KIAA1217: variants seen among roughly 807,000 people sequenced by gnomAD.
KIAA1217 encodes sickle tail protein homolog.
In KIAA1217, 88 loss-of-function variants were observed where a neutral mutation model predicts 163.9. The ratio of observed to expected loss-of-function variants is 0.54; its 90% confidence interval spans 0.45 to 0.64. The LOEUF (loss-of-function observed/expected upper bound fraction) is 0.64. KIAA1217 is among the 30% of genes least tolerant of loss of function. The pLI is 0.00. For missense variants in KIAA1217, 2,372 were observed against 2,475.0 expected, an observed-to-expected ratio of 0.96 and a Z score of 0.88; for synonymous variants, 903 against 923.1, an observed-to-expected ratio of 0.98 and a Z score of 0.39.
intron 1 of KIAA1217, among the ~76,000 whole-genome samples, chr10:23,944,566 A>G (rs973167727): frequency 5.3e-5 from 8 of 152,260 alleles, no homozygotes; most frequent in African/African-American, 1.9e-4. Context: ...AATGATAAAC[A>G]TGTATAAAAG....
At chr10:23,775,712 T>C (rs1834981049) in intron 1 of KIAA1217, among the ~76,000 whole-genome samples, 3 of 152,248 alleles carry the variant, frequency 2.0e-5, no homozygotes, top group African/African-American at 7.2e-5. Flanking sequence ...TTTTAGGTCA[T>C]ACTAGTATTT....
intron 19 of KIAA1217, 140 bp downstream of exon 19, chr10:24,544,621 C>G: frequency 1.0e-6 from 1 of 987,792 alleles, no homozygotes; most frequent in Non-Finnish European, 1.4e-6. Context: ...CCATGAAACC[C>G]TTCTTTCATA....
intron 2 of KIAA1217, among the ~76,000 whole-genome samples, chr10:24,341,881 A>G (rs1229473682): frequency 6.6e-6 from 1 of 152,084 alleles, no homozygotes; most frequent in Non-Finnish European, 1.5e-5. Context: ...AAAAAAAAAG[A>G]TAGCCACATA....
At chr10:23,776,280 A>G (rs1226279665) in intron 1 of KIAA1217, among the ~76,000 whole-genome samples, 1 of 151,952 alleles carries the variant, frequency 6.6e-6, no homozygotes, top group East Asian at 1.9e-4. Context: ...TTTATAACTT[A>G]ATTCCTTTTA....
chr10:23,878,355 C>G lies in KIAA1217; in HGVS notation c.-320-128870C>G, dbSNP rs1487101616. Reference sequence around the variant, plus strand: ...GCTGTTCTGTCTTGCTTAAAATGATCTTATTATTTGTCTCTTGATTCATTT... The same window carrying G: ...GCTGTTCTGTCTTGCTTAAAATGATGTTATTATTTGTCTCTTGATTCATTT... On this transcript the variant is annotated intron_variant, in intron 1 of 18. Coordinates refer to the KIAA1217 transcript ENST00000376462. Among the ~76,000 whole-genome samples the G allele has an allele frequency of 2.0e-5, 3 of 151,846 alleles. No homozygotes were observed. The South Asian group carries it at 6.2e-4, about 31-fold the overall frequency.
intron 2 of KIAA1217, among the ~76,000 whole-genome samples, chr10:24,315,106 A>T (rs1173139165): frequency 6.6e-6 from 1 of 152,102 alleles, no homozygotes; most frequent in Non-Finnish European, 1.5e-5. Flanking sequence ...GAAGCGGAGG[A>T]CAGAGGAGGC....
chr10:24,330,473 A>C (rs753493140), intron 2 of KIAA1217, among the ~76,000 whole-genome samples: 1 of 152,130 alleles, frequency 6.6e-6, no homozygotes, highest in Non-Finnish European at 1.5e-5. Context: ...CTTTGCAAGC[A>C]CTTTTGATAT....
At chr10:24,090,246 A>C (rs1359824249) in intron 2 of KIAA1217, among the ~76,000 whole-genome samples, 2 of 133,990 alleles carry the variant, frequency 1.5e-5, no homozygotes, top group Non-Finnish European at 3.0e-5. Context: ...GGCTCACTGC[A>C]GCCTTGAACT....
intron 5 of KIAA1217, 56 bp from the exon 6 acceptor site, chr10:24,473,172 T>C: frequency 1.6e-6 from 2 of 1,274,872 alleles, no homozygotes; most frequent in East Asian, 4.7e-5. Flanking sequence ...ACACTGAGAC[T>C]TCTCTTGAAA....
At chr10:23,909,279 C>A (rs1163497282) in intron 1 of KIAA1217, among the ~76,000 whole-genome samples, 4 of 151,960 alleles carry the variant, frequency 2.6e-5, no homozygotes, top group African/African-American at 9.7e-5. Flanking sequence ...ATGGGTACAC[C>A]AGAATCTCAC....
chr10:23,746,114 TG>T (rs1288934510), intron 1 of KIAA1217, among the ~76,000 whole-genome samples: 4 of 152,210 alleles, frequency 2.6e-5, no homozygotes, highest in Admixed American at 6.5e-5. Flanking sequence ...GTTCGGGTCA[TG>T]GGGGCAGATC....
At chr10:24,019,439 A>G (rs1287596278) in intron 2 of KIAA1217, among the ~76,000 whole-genome samples, 1 of 152,098 alleles carries the variant, frequency 6.6e-6, no homozygotes, top group Non-Finnish European at 1.5e-5. Context: ...TTAAAATGCC[A>G]CTTAAAAAGA....
chr10:24,158,671 A>G (rs1529529), intron 2 of KIAA1217: 342,531 of 506,758 alleles, frequency 0.68, 118,549 homozygotes, highest in Non-Finnish European at 0.73. Context: ...AAGTACTCCT[A>G]GGATTTCTGC....
intron 1 of KIAA1217, among the ~76,000 whole-genome samples, chr10:23,963,998 A>G (rs1162546007): frequency 6.6e-6 from 1 of 151,720 alleles, no homozygotes; most frequent in African/African-American, 2.4e-5. Context: ...GGTTCAAGAA[A>G]TCCTCCTGCC....
intron 3 of KIAA1217, among the ~76,000 whole-genome samples, chr10:24,415,618 G>T (rs2058180498): frequency 6.6e-6 from 1 of 151,994 alleles, no homozygotes; most frequent in Non-Finnish European, 1.5e-5. Flanking sequence ...CTGAACATGA[G>T]GCCAACAGAT....
At chr10:24,248,294 T>C (rs932808888) in intron 2 of KIAA1217, among the ~76,000 whole-genome samples, 1 of 152,170 alleles carries the variant, frequency 6.6e-6, no homozygotes, top group African/African-American at 2.4e-5. Context: ...TTGCCTGGAA[T>C]TATCAACAAA....
chr10:24,260,496 TC>T (rs2131697896), intron 2 of KIAA1217, among the ~76,000 whole-genome samples: 1 of 147,286 alleles, frequency 6.8e-6, no homozygotes, highest in East Asian at 2.0e-4. Flanking sequence ...ATGCCTGTAA[TC>T]CTAGCACTTT....
chr10:23,723,495 CAAGT>C (rs1385926078), intron 1 of KIAA1217, among the ~76,000 whole-genome samples: 2 of 152,074 alleles, frequency 1.3e-5, no homozygotes, highest in Admixed American at 1.3e-4. Context: ...AAGAAAAAAA[CAAGT>C]AAGTCTTAGT....
intron 1 of KIAA1217, among the ~76,000 whole-genome samples, chr10:23,881,847 AC>A (rs1840962712): frequency 6.6e-6 from 1 of 151,502 alleles, no homozygotes; most frequent in East Asian, 2.0e-4. Context: ...TCCCCCATAC[AC>A]CCTTAAGACC....
Sources: allele counts gnomAD v4.1 joint callset (sites outside exome capture counted in the v4.1 genomes callset), GRCh38; gene constraint gnomAD v4.1.1; transcripts MANE v1.5; gene names NCBI Gene and HGNC (gene_info 2026-07-23, HGNC 2026-07-21).